The following AFG2A variants were observed in gnomAD, a reference collection of about 807,000 sequenced individuals.
The protein encoded by AFG2A is AAA ATPase AFG2A, also known as ATPase family gene 2 protein homolog A.
At chr4:123,202,698 A>G in the AFG2A span, among the ~76,000 whole-genome samples, 1 of 152,172 alleles carries the variant, frequency 6.6e-6, no homozygotes, top group African/African-American at 2.4e-5. Flanking sequence ...TTTGACCCCT[A>G]TTACAGATTC....
chr4:123,078,097 G>C, the AFG2A span, among the ~76,000 whole-genome samples: 1 of 152,168 alleles, frequency 6.6e-6, no homozygotes, highest in Admixed American at 6.5e-5. Context: ...TAAGGCACTT[G>C]GATAGGCATT....
the AFG2A span, among the ~76,000 whole-genome samples, chr4:123,262,354 A>T: frequency 6.6e-6 from 1 of 152,218 alleles, no homozygotes; most frequent in Non-Finnish European, 1.5e-5. Context: ...CTATGAGAGC[A>T]GTGCTGTAGC....
chr4:123,195,421 T>G, the AFG2A span, among the ~76,000 whole-genome samples: 4 of 145,904 alleles, frequency 2.7e-5, no homozygotes, highest in Non-Finnish European at 4.6e-5. Flanking sequence ...TCAAAACTTT[T>G]ATTTAAAAAT....
chr4:123,154,334 G>A, the AFG2A span, among the ~76,000 whole-genome samples: 2 of 151,702 alleles, frequency 1.3e-5, no homozygotes, highest in Non-Finnish European at 2.9e-5. Context: ...TGACAATATT[G>A]CCACAGATGA....
the AFG2A span, among the ~76,000 whole-genome samples, chr4:123,058,613 G>A: frequency 7.6e-4 from 116 of 152,208 alleles, no homozygotes; most frequent in Non-Finnish European, 1.5e-3. Flanking sequence ...CAACAAGAGC[G>A]AAACTCCATC....
the AFG2A span, among the ~76,000 whole-genome samples, chr4:123,002,462 T>C: frequency 1.3e-5 from 2 of 152,206 alleles, no homozygotes; most frequent in Non-Finnish European, 2.9e-5. Flanking sequence ...CTTTCCATGT[T>C]TAGTGCTTCC....
chr4:123,303,439 T>C, the AFG2A span, among the ~76,000 whole-genome samples: 1 of 151,960 alleles, frequency 6.6e-6, no homozygotes, highest in Non-Finnish European at 1.5e-5. Context: ...ATACACTGAA[T>C]ATATACTTTA....
the AFG2A span, among the ~76,000 whole-genome samples, chr4:123,075,539 A>G: frequency 1.3e-5 from 2 of 152,034 alleles, no homozygotes; most frequent in African/African-American, 4.8e-5. Flanking sequence ...ACCTCAAGTG[A>G]TCCACCTGCT....
At chr4:123,059,789 A>G in the AFG2A span, among the ~76,000 whole-genome samples, 3 of 151,540 alleles carry the variant, frequency 2.0e-5, no homozygotes, top group Admixed American at 6.6e-5. Flanking sequence ...AAGTGTTCCT[A>G]TTTCTCCACA....
At chr4:123,161,355 A>T in the AFG2A span, among the ~76,000 whole-genome samples, 1 of 152,218 alleles carries the variant, frequency 6.6e-6, no homozygotes, top group Non-Finnish European at 1.5e-5. Context: ...AGTGCTCTAA[A>T]AAGAAACTCA....
At chr4:123,266,173 C>T in the AFG2A span, among the ~76,000 whole-genome samples, 1 of 151,932 alleles carries the variant, frequency 6.6e-6, no homozygotes, top group African/African-American at 2.4e-5. Context: ...AGCTGTTTCT[C>T]CTTTTAGGAA....
chr4:122,999,866 G>A, the AFG2A span, among the ~76,000 whole-genome samples: 1 of 151,736 alleles, frequency 6.6e-6, no homozygotes, highest in Non-Finnish European at 1.5e-5. Context: ...TAGCTTGATG[G>A]GGATGGCATT....
the AFG2A span, among the ~76,000 whole-genome samples, chr4:123,244,082 G>A: frequency 2.0e-5 from 3 of 151,026 alleles, no homozygotes; most frequent in African/African-American, 7.3e-5. Flanking sequence ...GAATAGGTAA[G>A]ATTAAAAAAA....
At chr4:123,140,803 AG>A in the AFG2A span, among the ~76,000 whole-genome samples, 1 of 152,190 alleles carries the variant, frequency 6.6e-6, no homozygotes, top group Non-Finnish European at 1.5e-5. Context: ...AGTTCACTAA[AG>A]TAACACTTGT....
At chr4:123,050,695 G>C in the AFG2A span, among the ~76,000 whole-genome samples, 13 of 149,418 alleles carry the variant, frequency 8.7e-5, no homozygotes, top group African/African-American at 2.9e-4. Flanking sequence ...TATATGTGCT[G>C]TTAGAGGTGA....
At chr4:122,978,072 G>A in the AFG2A span, among the ~76,000 whole-genome samples, 6 of 152,104 alleles carry the variant, frequency 3.9e-5, no homozygotes, top group Non-Finnish European at 8.8e-5. Flanking sequence ...GCTCTCAGTG[G>A]AGAGGAGACC....
the AFG2A span, among the ~76,000 whole-genome samples, chr4:123,191,781 G>T: frequency 6.6e-6 from 1 of 152,012 alleles, no homozygotes; most frequent in Non-Finnish European, 1.5e-5. Context: ...ATGAGTGGTT[G>T]TCATTTTCCT....
chr4:123,156,634 G>A, the AFG2A span, among the ~76,000 whole-genome samples: 3 of 151,946 alleles, frequency 2.0e-5, no homozygotes, highest in East Asian at 3.9e-4. Context: ...TACAACATAT[G>A]TCTGAGTATT....
At chr4:123,263,000 T>C in the AFG2A span, among the ~76,000 whole-genome samples, 1 of 152,142 alleles carries the variant, frequency 6.6e-6, no homozygotes, top group Non-Finnish European at 1.5e-5. Flanking sequence ...AAAGTTTGAA[T>C]ATGATTGGCA....
Sources: allele counts gnomAD v4.1 joint callset (sites outside exome capture counted in the v4.1 genomes callset), GRCh38; gene constraint gnomAD v4.1.1; transcripts MANE v1.5; gene names NCBI Gene and HGNC (gene_info 2026-07-23, HGNC 2026-07-21).